CHCHD7: variants seen among roughly 807,000 people sequenced by gnomAD.
CHCHD7 encodes coiled-coil-helix-coiled-coil-helix domain-containing protein 7.
CHCHD7 carries 7 observed loss-of-function variants against 10.5 expected under a neutral mutation model. The ratio of observed to expected loss-of-function variants is 0.67; its 90% CI spans 0.38 to 1.25. The LOEUF (loss-of-function observed/expected upper bound fraction) is 1.25, where lower values mean the gene tolerates loss of function less well. CHCHD7 is among the 50% of genes most tolerant of loss of function. The pLI, the probability that CHCHD7 is intolerant of heterozygous loss-of-function variation, is 0.02. For synonymous variants in CHCHD7, 40 were observed against 36.0 expected (o/e 1.11, Z -0.40); for missense variants, 100 against 104.5 (o/e 0.96, Z 0.19).
At chr8:56,216,804 T>C (rs1254052777) in intron 3 of CHCHD7, 1 of 687,004 alleles carries the variant, frequency 1.5e-6, no homozygotes, top group African/African-American at 1.8e-5. Context: ...ACAATGTCTT[T>C]GTTATAAATT....
chr8:56,217,523 C>A lies in CHCHD7; in HGVS notation c.*88C>A. The A allele has an allele frequency of 1.3e-6, 1 of 786,860 alleles. No homozygotes were observed. Among genetic ancestry groups the A allele is most frequent in the African/African-American group, 1.8e-5 (1 of 56,838 alleles). 48.7% of individuals were successfully genotyped at this position (786,860 alleles called of 1,614,324 possible). ...CTGTAATATTTAAGACTGTACACCC[C>A]TCACCCAGACAGACCTTAAGTTCTT... On this transcript the variant is annotated 3_prime_UTR_variant, in exon 4 of 4. Coordinates refer to ENST00000355315, the MANE Select transcript of CHCHD7 (RefSeq NM_001011671.3).
chr8:56,217,214 A>AG (rs1813401082), intron 3 of CHCHD7, 117 bp from the exon 4 acceptor site: 1 of 582,278 alleles, frequency 1.7e-6, no homozygotes, highest in Non-Finnish European at 3.0e-6. Context: ...TTTAAAAAAA[A>AG]CTTGGTTTTT....
chr8:56,218,523 T>A lies in CHCHD7; in HGVS notation c.*1088T>A, dbSNP rs14859. 1 of 212,414 alleles carries A rather than the reference T, an allele frequency of 4.7e-6. No homozygotes were observed. 13.2% of individuals were successfully genotyped at this position (212,414 alleles called of 1,614,324 possible). A position where few individuals can be genotyped will look rare whatever the true frequency, so the allele number is the denominator to read the frequency against. ...TTTAATGGCTGCCGACAATGAACTG[T>A]CTGTCTGAGTCTAAAACCAAGCTCA... On this transcript the variant is annotated 3_prime_UTR_variant, in exon 4 of 4. Transcript: ENST00000355315.
intron 2 of CHCHD7, chr8:56,215,170 C>G (rs1043110705): frequency 2.0e-5 from 3 of 153,578 alleles, no homozygotes; most frequent in Non-Finnish European, 4.4e-5. Context: ...ATTTGCGATA[C>G]TTACTTGTGG....
rs767184686 is a variant in CHCHD7, at chr8:56,214,622, G to T, written c.9G>T (p.Ser3=). ...GTAAGAAGACTGTTAGAATGCCCTCGGTAACACAGAGGCTGAGAGATCCTG... is the reference window on the plus strand; with the variant it reads ...GTAAGAAGACTGTTAGAATGCCCTCTGTAACACAGAGGCTGAGAGATCCTG... MP[S]VTQRLRDPDI... Residue 3 remains serine, a synonymous_variant, in exon 2 of 4, where the codon TCG becomes TCT. Transcript: ENST00000355315. 2 of 1,612,652 alleles carry T rather than the reference G, an allele frequency of 1.2e-6. No homozygotes were observed. The highest frequency in any genetic ancestry group is 1.7e-6 in the Non-Finnish European group (2 of 1,179,076).
In CHCHD7 at chr8:56,216,504, G is replaced by C. The variant is rs779307983; in HGVS notation, c.126G>C (p.Leu42Phe). 8.7e-6 allele frequency: 14 copies of C among 1,614,152 alleles called. No homozygotes were observed. Among genetic ancestry groups the C allele is most frequent in the Middle Eastern group, 1.6e-4 (1 of 6,062 alleles). ...YDRERCSTYFLRYKNCRRFWN... is the reference protein window; with the variant it reads ...YDRERCSTYFFRYKNCRRFWN... ...GGGAAAGGTGTTCCACTTACTTCTT[G>C]AGGTACAAAAACTGCCGGAGATTCT... is the stretch of plus-strand genomic sequence containing the variant. Residue 42 changes from leucine (L) to phenylalanine (F), a missense_variant, in exon 3 of 4, where the codon TTG becomes TTC. Leu to Phe is a conservative substitution (Grantham distance 22, BLOSUM62 0). Transcript: ENST00000355315.
rs879187288 is a variant in CHCHD7, at chr8:56,218,743, A to G, written c.*1308A>G. 1 of 195,500 alleles carries G rather than the reference A, an allele frequency of 5.1e-6. No homozygotes were observed. Among genetic ancestry groups the G allele is most frequent in the Admixed American group, 6.1e-5 (1 of 16,474 alleles). 12.1% of individuals were successfully genotyped at this position (195,500 alleles called of 1,614,324 possible). A position where few individuals can be genotyped will look rare whatever the true frequency, so the allele number is the denominator to read the frequency against. On this transcript the variant is annotated 3_prime_UTR_variant, in exon 4 of 4. Transcript: ENST00000355315. ...AAGCACACTTGTTAAAGGGCTTGGA[A>G]TTTTAATGTCACTCCTTTGAAGGTA...
Position 56,217,586 on chromosome 8 carries a change from C to T in CHCHD7, c.*151C>T, listed in dbSNP as rs1470426595. ...GTGAAGTCACCCCGTGTCCTTTTTG[C>T]TTGCTCTCAGTGCCATGCCGATGGT... On this transcript the variant is annotated 3_prime_UTR_variant, in exon 4 of 4. Transcript: ENST00000355315. The T allele has an allele frequency of 1.9e-6, 1 of 540,144 alleles. No homozygotes were observed. The highest frequency in any genetic ancestry group is 3.3e-6 in the Non-Finnish European group (1 of 304,578). 33.5% of individuals were successfully genotyped at this position (540,144 alleles called of 1,614,324 possible).
chr8:56,213,628 G>A (rs904951398), intron 1 of CHCHD7: 2 of 152,206 alleles, frequency 1.3e-5, no homozygotes, highest in Admixed American at 1.3e-4. Context: ...CTGACCTCGT[G>A]ATCCGCCCGA....
In CHCHD7 at chr8:56,214,587, T is replaced by G; in HGVS notation, c.-16-11T>G. 1.9e-6 allele frequency: 3 copies of G among 1,604,568 alleles called. No homozygotes were observed. In the African/African-American group the frequency reaches 4.0e-5, roughly 21 times the overall value. On this transcript the variant is annotated splice_polypyrimidine_tract_variant and intron_variant, in intron 1 of 3. Transcript: ENST00000355315. ...CTACTGTATAATTATTTTTTTTCTG[T>G]CTACCCTCAGTAAGAAGACTGTTAG...
intron 1 of CHCHD7, chr8:56,214,348 GGC>G: frequency 3.4e-6 from 1 of 295,208 alleles, no homozygotes; most frequent in South Asian, 7.4e-5. Flanking sequence ...TGGGATTACA[GGC>G]GTGAGACACC....
chr8:56,217,239 G>T, intron 3 of CHCHD7, 92 bp from the exon 4 acceptor site: 13 of 684,944 alleles, frequency 1.9e-5, no homozygotes, highest in Non-Finnish European at 2.6e-5. Flanking sequence ...TTTCCTTTTT[G>T]AGGAAGCAAT....
Position 56,216,532 on chromosome 8 carries a change from G to A in CHCHD7, c.153+1G>A. The A allele has an allele frequency of 6.2e-7, 1 of 1,614,150 alleles. No homozygotes were observed. Among genetic ancestry groups the A allele is most frequent in the Non-Finnish European group, 8.5e-7 (1 of 1,180,022 alleles). ...GTACAAAAACTGCCGGAGATTCTGG[G>A]TAAGCCTAGATTGGTTAGCTTTGTG... On this transcript the variant is annotated splice_donor_variant, in intron 3 of 3. Coordinates refer to ENST00000355315, the MANE Select transcript of CHCHD7 (RefSeq NM_001011671.3). LOFTEE classifies it high-confidence loss of function.
intron 1 of CHCHD7, chr8:56,212,592 ATATCT>A: frequency 5.1e-6 from 2 of 392,920 alleles, no homozygotes; most frequent in Non-Finnish European, 9.1e-6. Flanking sequence ...CCCCTCCTTC[ATATCT>A]TTGCTTGGTT....
rs1039000302 is a variant in CHCHD7 at position 56,218,392 on chromosome 8, A to G, written c.*957A>G. 4 of 223,396 alleles carry G rather than the reference A, an allele frequency of 1.8e-5. No individual in the cohort carries two copies. Among genetic ancestry groups the G allele is most frequent in the African/African-American group, 6.7e-5 (3 of 44,796 alleles). The allele number at this position is 223,396 out of a possible 1,614,324, so 13.8% of individuals were successfully genotyped here. On this transcript the variant is annotated 3_prime_UTR_variant, in exon 4 of 4. Transcript: ENST00000355315. ...CCTTTTAGAATCGTTTGTTTTATTC[A>G]TGGTAGTTTTATGAAGACATACTAT...
intron 3 of CHCHD7, 29 bp downstream of exon 3, chr8:56,216,560 A>G: frequency 6.2e-7 from 1 of 1,613,520 alleles, no homozygotes; most frequent in South Asian, 1.1e-5. Flanking sequence ...GCTTTGTGTT[A>G]AAACCCATCT....
Position 56,212,906 on chromosome 8 carries a change from C to G in CHCHD7, c.-17+1069C>G, listed in dbSNP as rs376287332. 1.8e-5 allele frequency: 28 copies of G among 1,586,236 alleles called. No homozygotes were observed. In the African/African-American group the frequency reaches 3.6e-4, roughly 21 times the overall value. On this transcript the variant is annotated intron_variant, in intron 1 of 3. Coordinates refer to ENST00000355315, the MANE Select transcript of CHCHD7 (RefSeq NM_001011671.3). ...TCGAACTGGGTATATGTGATGTTAC[C>G]TAGGTATTATTTTTGAAGAATTTCT...
intron 2 of CHCHD7, 36 bp from the exon 3 acceptor site, chr8:56,216,397 C>A (rs1813343781): frequency 6.2e-7 from 1 of 1,613,042 alleles, no homozygotes; most frequent in South Asian, 1.1e-5. Flanking sequence ...AGATCCTGTT[C>A]TACCTTTTAA....
chr8:56,216,028 T>C (rs930814940), intron 2 of CHCHD7, among the ~76,000 whole-genome samples: 1 of 152,220 alleles, frequency 6.6e-6, no homozygotes, highest in African/African-American at 2.4e-5. Flanking sequence ...TGATCAAACA[T>C]TGAAGCCAAA....
Sources: allele counts gnomAD v4.1 joint callset (sites outside exome capture counted in the v4.1 genomes callset), GRCh38; gene constraint gnomAD v4.1.1; transcripts MANE v1.5; gene names NCBI Gene and HGNC (gene_info 2026-07-23, HGNC 2026-07-21).